Variants in TTC7A observed in about 807,000 individuals in gnomAD.
The protein encoded by TTC7A is tetratricopeptide repeat domain 7A.
A neutral mutation model predicts 103.7 loss-of-function variants in TTC7A; 110 were observed. The observed-to-expected ratio is 1.06, with a 90% CI of 0.91 to 1.24. The LOEUF (loss-of-function observed/expected upper bound fraction) is 1.24, where lower values mean the gene tolerates loss of function less well. TTC7A is among the 50% of genes most tolerant of loss of function. The probability of loss-of-function intolerance (pLI) is 0.00; values close to 1 mark genes in which losing one functional copy is unlikely to be tolerated. For missense variants in TTC7A, 1,340 were observed against 1,116.3 expected, an observed-to-expected ratio of 1.20 and a Z score of -2.86; for synonymous variants, 521 against 467.9, an observed-to-expected ratio of 1.11 and a Z score of -1.47.
At chr2:47,063,249 C>T (rs1169099695) in intron 19 of TTC7A, among the ~76,000 whole-genome samples, 2 of 152,140 alleles carry the variant, frequency 1.3e-5, no homozygotes, top group African/African-American at 2.4e-5. Flanking sequence ...TAATAATCCT[C>T]GTTCCTGGGC....
At chr2:46,930,002 C>G (rs1669606414) in intron 2 of TTC7A, among the ~76,000 whole-genome samples, 1 of 152,186 alleles carries the variant, frequency 6.6e-6, no homozygotes, top group South Asian at 2.1e-4. Context: ...CCCAGCCAAG[C>G]TGGGTGGAAT....
chr2:46,931,691 A>T lies in TTC7A; in HGVS notation c.82+14414A>T, dbSNP rs570955122. On this transcript the variant is annotated intron_variant, in intron 2 of 20. Coordinates refer to the TTC7A transcript ENST00000409245. The stretch of plus-strand genomic sequence containing the variant: ...TTGGGGGAAAAAACAAAAACAGACA[A>T]TAATAAATAAATAAATAAATAAATA... 3.9e-3 allele frequency among the ~76,000 whole-genome samples: 389 copies of T among 98,496 alleles called. 3 individuals are homozygous for T. Among genetic ancestry groups the T allele is most frequent in the African/African-American group, 0.021 (347 of 16,556 alleles). 64.6% of individuals were successfully genotyped at this position (98,496 alleles called of 152,430 possible). A position where few individuals can be genotyped will look rare whatever the true frequency, so the allele number is the denominator to read the frequency against.
At chr2:47,028,238 C>G (rs1680129088) in intron 14 of TTC7A, among the ~76,000 whole-genome samples, 1 of 152,204 alleles carries the variant, frequency 6.6e-6, no homozygotes, top group African/African-American at 2.4e-5. Context: ...GGCAGCCAAG[C>G]AAGTGTGTGG....
chr2:47,040,946 C>T (rs1258100234), intron 15 of TTC7A, among the ~76,000 whole-genome samples: 2 of 152,210 alleles, frequency 1.3e-5, no homozygotes, highest in Admixed American at 6.5e-5. Context: ...CATTGCTCTT[C>T]TGGAATGGCT....
At chr2:46,979,826 C>T (rs1362016835) in intron 5 of TTC7A, among the ~76,000 whole-genome samples, 2 of 152,186 alleles carry the variant, frequency 1.3e-5, no homozygotes, top group South Asian at 2.1e-4. Flanking sequence ...CCTTCCTCTG[C>T]GTCATTACAA....
At chr2:46,982,331 G>A (rs1278335735) in intron 5 of TTC7A, among the ~76,000 whole-genome samples, 1 of 151,954 alleles carries the variant, frequency 6.6e-6, no homozygotes, top group African/African-American at 2.4e-5. Context: ...CTGTGATTGT[G>A]CCACTGCACT....
chr2:47,025,262 T>A (rs1436196827), intron 14 of TTC7A, among the ~76,000 whole-genome samples: 1 of 152,182 alleles, frequency 6.6e-6, no homozygotes, highest in African/African-American at 2.4e-5. Flanking sequence ...GGGGAAGCCC[T>A]ACCTTCTGAG....
At chr2:46,976,332 G>C (rs1301336481) in intron 4 of TTC7A, among the ~76,000 whole-genome samples, 1 of 152,248 alleles carries the variant, frequency 6.6e-6, no homozygotes, top group Admixed American at 6.5e-5. Flanking sequence ...TTTGAACCCA[G>C]GGAGTGTGGC....
intron 4 of TTC7A, among the ~76,000 whole-genome samples, chr2:46,975,891 C>T (rs1014799851): frequency 6.6e-6 from 1 of 152,118 alleles, no homozygotes; most frequent in African/African-American, 2.4e-5. Flanking sequence ...CGCCTGCCAC[C>T]GTGCCCTTCT....
chr2:46,958,428 C>G, intron 3 of TTC7A: 1 of 1,241,308 alleles, frequency 8.1e-7, no homozygotes, highest in Non-Finnish European at 1.1e-6. Context: ...GCTTCCTTTC[C>G]GGGACTTTCT....
At chr2:46,952,007 T>G (rs1671459769) in intron 2 of TTC7A, among the ~76,000 whole-genome samples, 1 of 152,228 alleles carries the variant, frequency 6.6e-6, no homozygotes, top group Non-Finnish European at 1.5e-5. Flanking sequence ...GTACTAGAAT[T>G]GGATCCTTCT....
intron 2 of TTC7A, among the ~76,000 whole-genome samples, chr2:46,920,927 G>T (rs1669071700): frequency 1.3e-5 from 2 of 150,382 alleles, no homozygotes; most frequent in Non-Finnish European, 3.0e-5. Flanking sequence ...AAAACTATAT[G>T]ATAATTTTAA....
At chr2:46,947,568 T>G (rs1220684128) in intron 1 of TTC7A, among the ~76,000 whole-genome samples, 1 of 152,028 alleles carries the variant, frequency 6.6e-6, no homozygotes, top group Non-Finnish European at 1.5e-5. Flanking sequence ...ATACAAAAAA[T>G]TAGCTGGGTG....
intron 2 of TTC7A, among the ~76,000 whole-genome samples, chr2:46,933,183 T>C (rs1572653976): frequency 1.3e-5 from 2 of 151,924 alleles, no homozygotes; most frequent in South Asian, 2.1e-4. Context: ...CAAAATGACA[T>C]AGAAGCCACT....
intron 12 of TTC7A, among the ~76,000 whole-genome samples, chr2:47,022,441 G>T (rs114742796): frequency 4.6e-5 from 7 of 152,312 alleles, no homozygotes; most frequent in African/African-American, 1.4e-4. Flanking sequence ...TGGGTACGCA[G>T]CAGGTGCTTA....
In TTC7A at chr2:46,956,967, G is replaced by A. The variant is rs762482748; in HGVS notation, c.477G>A (p.Leu159=). The A allele has an allele frequency of 6.2e-7, 1 of 1,614,218 alleles. No individual in the cohort carries two copies. The highest frequency in any genetic ancestry group is 8.5e-7 in the Non-Finnish European group (1 of 1,180,036). The change falls in exon 3 of 20, where the codon CTG becomes CTA. Residue 159 remains leucine (L), a synonymous_variant. Transcript: ENST00000319190. ...IDDMSMENKP[L]YQMRLLSEAF... ...ACATGTCCATGGAGAACAAGCCCCTGTATCAGATGCGGCTGCTGTCGGAGG... is the reference window on the plus strand; with the variant it reads ...ACATGTCCATGGAGAACAAGCCCCTATATCAGATGCGGCTGCTGTCGGAGG...
At chr2:47,015,389 T>C (rs544518757) in intron 11 of TTC7A, among the ~76,000 whole-genome samples, 93 of 152,354 alleles carry the variant, frequency 6.1e-4, no homozygotes, top group African/African-American at 2.1e-3. Flanking sequence ...GGCATGCTTA[T>C]CTTTGGAAAG....
intron 14 of TTC7A, among the ~76,000 whole-genome samples, chr2:47,027,121 C>T (rs1572953890): frequency 6.6e-6 from 1 of 152,312 alleles, no homozygotes; most frequent in Admixed American, 6.5e-5. Flanking sequence ...CAGACCTGGT[C>T]ACAGCCTTTC....
chr2:46,921,440 A>G (rs182047827), intron 2 of TTC7A, among the ~76,000 whole-genome samples: 2 of 152,212 alleles, frequency 1.3e-5, no homozygotes, highest in Non-Finnish European at 2.9e-5. Flanking sequence ...GGCAAGTCTA[A>G]TTCAGTTATT....
Sources: allele counts gnomAD v4.1 joint callset (sites outside exome capture counted in the v4.1 genomes callset), GRCh38; gene constraint gnomAD v4.1.1; transcripts MANE v1.5; gene names NCBI Gene and HGNC (gene_info 2026-07-23, HGNC 2026-07-21).